Variants in LRRC37A2 observed in about 807,000 individuals in gnomAD.
LRRC37A2 encodes the protein leucine rich repeat containing 37 member A2.
LRRC37A2 carries 9 observed loss-of-function variants against 68.8 expected under a neutral mutation model. The ratio of observed to expected loss-of-function variants is 0.13; its 90% CI spans 0.08 to 0.23. LRRC37A2 has a LOEUF of 0.23. LRRC37A2 is among the 10% of genes least tolerant of loss of function. LRRC37A2 has a pLI of 1.00. For synonymous variants in LRRC37A2, 63 were observed against 367.6 expected, an observed-to-expected ratio of 0.17 and a Z score of 9.48; for missense variants, 168 against 950.4, an observed-to-expected ratio of 0.18 and a Z score of 10.82.
chr17:46,851,438 C>T, the LRRC37A2 span: 2 of 307,132 alleles, frequency 6.5e-6, no homozygotes, highest in African/African-American at 4.4e-5. This position sits in a 1 kb window ranked among gnomAD's most constrained non-coding sequence, Gnocchi z 4.3. Context: ...CTGCCCCACC[C>T]GCGACGGGGC....
chr17:46,789,249 T>C, the LRRC37A2 span, among the ~76,000 whole-genome samples: 2 of 152,326 alleles, frequency 1.3e-5, no homozygotes, highest in Admixed American at 1.3e-4. Flanking sequence ...CCACCAGGGC[T>C]GGCACCTACC....
the LRRC37A2 span, among the ~76,000 whole-genome samples, chr17:46,760,301 T>G: frequency 5.9e-5 from 9 of 152,014 alleles, no homozygotes; most frequent in East Asian, 1.7e-3. Context: ...TTCATTAGTA[T>G]GAATAGGGAC....
chr17:46,981,198 G>T, the LRRC37A2 span, among the ~76,000 whole-genome samples: 1 of 152,232 alleles, frequency 6.6e-6, no homozygotes, highest in South Asian at 2.1e-4. Flanking sequence ...GGAGTGAAGG[G>T]ATTCGGGATG....
chr17:47,017,989 CAG>C, the LRRC37A2 span: 1 of 1,513,816 alleles, frequency 6.6e-7, no homozygotes, highest in Non-Finnish European at 9.2e-7. Flanking sequence ...GCTCTGCCTC[CAG>C]AGTCCTCTAT....
At chr17:46,738,205 A>G in the LRRC37A2 span, among the ~76,000 whole-genome samples, 1 of 152,124 alleles carries the variant, frequency 6.6e-6, no homozygotes, top group Non-Finnish European at 1.5e-5. Flanking sequence ...GAGTGCTGGG[A>G]TTACAGGTGT....
the LRRC37A2 span, among the ~76,000 whole-genome samples, chr17:46,808,809 AAAG>A: frequency 2.0e-5 from 3 of 152,196 alleles, no homozygotes; most frequent in Non-Finnish European, 2.9e-5. Context: ...GATTAAAAAA[AAAG>A]AAAAAGAAAC....
chr17:46,839,474 C>T, the LRRC37A2 span, among the ~76,000 whole-genome samples: 7 of 152,334 alleles, frequency 4.6e-5, no homozygotes, highest in Admixed American at 2.0e-4. Flanking sequence ...TGTGGCACAA[C>T]GCAGGCGTCA....
At chr17:46,735,181 T>TG in the LRRC37A2 span, among the ~76,000 whole-genome samples, 1 of 152,242 alleles carries the variant, frequency 6.6e-6, no homozygotes, top group East Asian at 1.9e-4. Flanking sequence ...CTATAGTAGA[T>TG]ATTAATACCA....
the LRRC37A2 span, chr17:46,872,484 G>T: frequency 6.9e-7 from 1 of 1,459,046 alleles, no homozygotes; most frequent in South Asian, 1.5e-5. Flanking sequence ...CATCCCCAAG[G>T]CTCACCTGTC....
chr17:46,959,751 C>G, the LRRC37A2 span, among the ~76,000 whole-genome samples: 1 of 152,160 alleles, frequency 6.6e-6, no homozygotes, highest in Non-Finnish European at 1.5e-5. Flanking sequence ...ATCCCACTCT[C>G]CACTACAAAA....
chr17:46,862,999 G>T, the LRRC37A2 span, among the ~76,000 whole-genome samples: 1 of 152,246 alleles, frequency 6.6e-6, no homozygotes. Flanking sequence ...GAGGGAACGG[G>T]CCTGGCTCTC....
the LRRC37A2 span, chr17:46,831,612 C>G: frequency 6.6e-6 from 1 of 152,568 alleles, no homozygotes; most frequent in African/African-American, 2.4e-5. Context: ...AGTTCAGACA[C>G]CCCTGAGCAC....
the LRRC37A2 span, chr17:46,851,811 G>T: frequency 3.8e-5 from 23 of 612,568 alleles, no homozygotes; most frequent in African/African-American, 3.6e-4. The surrounding 1 kb of genome is among the most constrained non-coding windows in gnomAD (Gnocchi z 4.3). Context: ...GCTGTCCTTG[G>T]CCCCGCCGAG....
chr17:46,762,827 C>A, the LRRC37A2 span: 1 of 152,118 alleles, frequency 6.6e-6, no homozygotes, highest in Non-Finnish European at 1.5e-5. Context: ...TTGTCAGCTA[C>A]TTGAATACGC....
the LRRC37A2 span, among the ~76,000 whole-genome samples, chr17:46,499,341 G>GGC: frequency 3.5e-4 from 49 of 140,404 alleles, 4 homozygotes; most frequent in East Asian, 8.1e-3. Context: ...AAAAAGGTGG[G>GGC]GGGACAATGT....
the LRRC37A2 span, among the ~76,000 whole-genome samples, chr17:46,986,826 G>A: frequency 6.6e-6 from 1 of 152,204 alleles, no homozygotes; most frequent in African/African-American, 2.4e-5. Context: ...GACCTGCTGG[G>A]GGGAACAGTC....
chr17:46,392,527 CTCT>C, the LRRC37A2 span, among the ~76,000 whole-genome samples: 1 of 52,210 alleles, frequency 1.9e-5, no homozygotes. Context: ...CTCTCTCTCT[CTCT>C]CTCTCTTCCT....
chr17:46,917,788 A>G, the LRRC37A2 span, among the ~76,000 whole-genome samples: 1 of 152,232 alleles, frequency 6.6e-6, no homozygotes, highest in Non-Finnish European at 1.5e-5. Context: ...AGAAAGCTAC[A>G]TAGGCCAATA....
At chr17:46,886,512 G>A in the LRRC37A2 span, 1 of 152,172 alleles carries the variant, frequency 6.6e-6, no homozygotes, top group Admixed American at 6.5e-5. Flanking sequence ...AAATAGCTGA[G>A]TTTTGGGGCA....
Sources: allele counts gnomAD v4.1 joint callset (sites outside exome capture counted in the v4.1 genomes callset), GRCh38; gene constraint gnomAD v4.1.1; non-coding constraint Gnocchi (gnomAD v3.1); transcripts MANE v1.5; gene names NCBI Gene and HGNC (gene_info 2026-07-23, HGNC 2026-07-21).